The following TMEM132D variants were observed in gnomAD, a reference collection of about 807,000 sequenced individuals.
The protein encoded by TMEM132D is mature OL transmembrane protein.
In TMEM132D, 21 loss-of-function variants were observed where a neutral mutation model predicts 62.3. That is an observed-to-expected ratio of 0.34 (90% CI 0.24 to 0.49). TMEM132D has a LOEUF of 0.49. Ranked by LOEUF, TMEM132D falls within the 20% of genes least tolerant of loss-of-function variation. TMEM132D has a pLI of 0.99. For synonymous variants in TMEM132D, 621 were observed against 575.6 expected (o/e 1.08, Z -1.13); for missense variants, 1,346 against 1,402.8 (o/e 0.96, Z 0.65).
At chr12:129,473,098 C>T (rs377259433) in intron 3 of TMEM132D, among the ~76,000 whole-genome samples, 1 of 151,948 alleles carries the variant, frequency 6.6e-6, no homozygotes, top group Non-Finnish European at 1.5e-5. Context: ...CTCCTGACCT[C>T]GTGATCCACC....
intron 1 of TMEM132D, among the ~76,000 whole-genome samples, chr12:129,800,854 G>A (rs1394274732): frequency 6.6e-6 from 1 of 152,164 alleles, no homozygotes; most frequent in Non-Finnish European, 1.5e-5. Flanking sequence ...CTCAGTGGGT[G>A]CGCGCACCGT....
At chr12:129,816,798 C>T (rs936304095) in intron 1 of TMEM132D, among the ~76,000 whole-genome samples, 1 of 152,184 alleles carries the variant, frequency 6.6e-6, no homozygotes, top group Non-Finnish European at 1.5e-5. Flanking sequence ...ACTTTGATTA[C>T]AGCATTTGCT....
At chr12:129,087,743 A>G (rs1045015408) in intron 5 of TMEM132D, among the ~76,000 whole-genome samples, 1 of 152,248 alleles carries the variant, frequency 6.6e-6, no homozygotes, top group African/African-American at 2.4e-5. Context: ...GGAAGAGAAT[A>G]CATGGGTGTC....
chr12:129,860,825 T>A (rs1873871234), intron 1 of TMEM132D, among the ~76,000 whole-genome samples: 1 of 152,138 alleles, frequency 6.6e-6, no homozygotes, highest in East Asian at 1.9e-4. Context: ...GAATGAGAGC[T>A]GAGCAAAGAG....
chr12:129,822,783 G>A (rs149098814), intron 1 of TMEM132D, among the ~76,000 whole-genome samples: 172 of 152,262 alleles, frequency 1.1e-3, no homozygotes, highest in African/African-American at 3.9e-3. Context: ...TCACCATGAC[G>A]AGCATGGGGA....
intron 3 of TMEM132D, among the ~76,000 whole-genome samples, chr12:129,463,622 C>T (rs547779114): frequency 8.6e-4 from 131 of 151,854 alleles, no homozygotes; most frequent in Middle Eastern, 3.4e-3. Context: ...CATCCCTCCC[C>T]GCTCCCCCCA....
intron 4 of TMEM132D, among the ~76,000 whole-genome samples, chr12:129,319,726 T>C (rs916982594): frequency 6.6e-6 from 1 of 152,182 alleles, no homozygotes; most frequent in African/African-American, 2.4e-5. Flanking sequence ...TGGAAGAAGA[T>C]GTAACATGCA....
chr12:129,842,097 A>ATTTTTTTTTTTTTTTTTT (rs746315309), intron 1 of TMEM132D, among the ~76,000 whole-genome samples: 10 of 97,446 alleles, frequency 1.0e-4, no homozygotes, highest in Non-Finnish European at 1.4e-4. Context: ...CGCCCGGCTA[A>ATTTTTTTTTTTTTTTTTT]TTTTTTTTTT....
intron 2 of TMEM132D, among the ~76,000 whole-genome samples, chr12:129,613,616 T>G (rs1593088996): frequency 6.6e-6 from 1 of 152,360 alleles, no homozygotes; most frequent in South Asian, 2.1e-4. Context: ...ATGTGGCTAG[T>G]GGGTGTGCCA....
chr12:129,742,638 A>G (rs958470931), intron 1 of TMEM132D, among the ~76,000 whole-genome samples: 6 of 152,224 alleles, frequency 3.9e-5, no homozygotes, highest in African/African-American at 1.4e-4. Flanking sequence ...TTGCTCCAGG[A>G]GTAGCTGCAG....
At chr12:129,726,964 G>C (rs747223097) in intron 1 of TMEM132D, among the ~76,000 whole-genome samples, 8 of 152,126 alleles carry the variant, frequency 5.3e-5, no homozygotes, top group Non-Finnish European at 1.0e-4. Flanking sequence ...AGAAATACTA[G>C]TGCCTCCCCA....
At chr12:129,784,864 C>T (rs137863650) in intron 1 of TMEM132D, among the ~76,000 whole-genome samples, 16 of 152,254 alleles carry the variant, frequency 1.1e-4, no homozygotes, top group Non-Finnish European at 1.5e-4. Flanking sequence ...TAAAATGTCA[C>T]GCTGAATGCA....
chr12:129,433,173 G>A (rs1052553161), intron 3 of TMEM132D, among the ~76,000 whole-genome samples: 6 of 152,072 alleles, frequency 3.9e-5, no homozygotes, highest in Non-Finnish European at 8.8e-5. Context: ...TGGACTTTAC[G>A]TTGTTTCCAG....
intron 2 of TMEM132D, among the ~76,000 whole-genome samples, chr12:129,692,127 GA>G (rs1358571054): frequency 6.6e-6 from 1 of 151,946 alleles, no homozygotes; most frequent in Non-Finnish European, 1.5e-5. Context: ...AGACATTCAA[GA>G]AAAAACAAAA....
intron 3 of TMEM132D, among the ~76,000 whole-genome samples, chr12:129,403,985 G>A (rs543093223): frequency 4.8e-4 from 73 of 152,172 alleles, no homozygotes; most frequent in Non-Finnish European, 3.2e-4. Context: ...TGCATGGAGA[G>A]AAATGAGAAA....
chr12:129,448,892 C>T (rs1036792301), intron 3 of TMEM132D, among the ~76,000 whole-genome samples: 38 of 152,254 alleles, frequency 2.5e-4, no homozygotes, highest in African/African-American at 8.7e-4. Flanking sequence ...GTCCCAATGC[C>T]AGTAACGTAT....
intron 2 of TMEM132D, among the ~76,000 whole-genome samples, chr12:129,532,971 C>A (rs371710057): frequency 6.6e-6 from 1 of 152,112 alleles, no homozygotes; most frequent in Non-Finnish European, 1.5e-5. Context: ...GCGAATACAT[C>A]GGAGCAGTGA....
At position 129,654,255 on chromosome 12, in the gene TMEM132D, TTCTC is replaced by T. The variant is rs368963587; in HGVS notation, c.968+45551_968+45554del. On this transcript the variant is annotated intron_variant, in intron 2 of 8. Transcript: ENST00000422113. ...TTCCCATCAGTCTCAGTCTCTCTCT[TTCTC>T]TCTCTCTCTCTCACTCTCTCGTGTG... is the stretch of plus-strand genomic sequence containing the variant. Among the ~76,000 whole-genome samples the T allele has an allele frequency of 4.6e-4, 68 of 147,582 alleles. 1 individual carries two copies. In the East Asian group the frequency reaches 6.9e-3, roughly 15 times the overall value.
intron 1 of TMEM132D, among the ~76,000 whole-genome samples, chr12:129,747,821 A>C (rs1004525923): frequency 1.4e-5 from 2 of 147,628 alleles, no homozygotes; most frequent in Non-Finnish European, 3.0e-5. Context: ...CACACTTGAC[A>C]CACACTCGAC....
Sources: allele counts gnomAD v4.1 joint callset (sites outside exome capture counted in the v4.1 genomes callset), GRCh38; gene constraint gnomAD v4.1.1; transcripts MANE v1.5; gene names NCBI Gene and HGNC (gene_info 2026-07-23, HGNC 2026-07-21).